ST7L: variants seen among roughly 807,000 people sequenced by gnomAD.
ST7L encodes the protein suppression of tumorigenicity 7 like, also known as suppressor of tumorigenicity 7 protein-like.
A neutral mutation model predicts 72.5 loss-of-function variants in ST7L; 57 were observed. The ratio of observed to expected loss-of-function variants is 0.79; its 90% CI spans 0.64 to 0.98. ST7L has a LOEUF of 0.98. Ranked by LOEUF, ST7L falls within the 50% of genes least tolerant of loss-of-function variation. The probability of loss-of-function intolerance (pLI) is 0.00; values close to 1 mark genes in which losing one functional copy is unlikely to be tolerated. For missense variants in ST7L, 576 were observed against 672.2 expected, an observed-to-expected ratio of 0.86 and a Z score of 1.58; for synonymous variants, 221 against 240.9, an observed-to-expected ratio of 0.92 and a Z score of 0.77.
At position 112,593,420 on chromosome 1, in the gene ST7L, T is replaced by C. The variant is rs140493576; in HGVS notation, c.623-1817A>G. ...AATTAGCAATTCACTCAAATTTATCTATTTTTCAAGTTAAATAACATTCTA... is the reference window on the plus strand; with the variant it reads ...AATTAGCAATTCACTCAAATTTATCCATTTTTCAAGTTAAATAACATTCTA... On this transcript the variant is annotated intron_variant, in intron 5 of 14. Coordinates refer to ENST00000358039, the MANE Select transcript of ST7L (RefSeq NM_017744.5). Among the ~76,000 whole-genome samples, 13 of 152,314 alleles carry C rather than the reference T, an allele frequency of 8.5e-5. No homozygotes were observed. The East Asian group carries it at 2.5e-3, about 29-fold the overall frequency.
At chr1:112,600,391 C>T (rs765240077) in intron 4 of ST7L, among the ~76,000 whole-genome samples, 4 of 151,836 alleles carry the variant, frequency 2.6e-5, no homozygotes, top group African/African-American at 4.8e-5. Flanking sequence ...TATGGAGTAG[C>T]GATTCTTTTA....
At chr1:112,558,277 A>G (rs532154617) in intron 11 of ST7L, among the ~76,000 whole-genome samples, 2 of 152,346 alleles carry the variant, frequency 1.3e-5, no homozygotes, top group East Asian at 1.9e-4. Flanking sequence ...TTCAAATTCT[A>G]GTTCCTCAGG....
chr1:112,600,775 T>C lies in ST7L; in HGVS notation c.506+19A>G. 6.2e-7 allele frequency: 1 copy of C among 1,605,422 alleles called. No individual in the cohort carries two copies. On this transcript the variant is annotated intron_variant, in intron 4 of 14. Transcript: ENST00000358039. ...TCTAAAACCAATGCCCTACTTATACTGAAAGCAAAATGTAATACCTCCTAT... is the reference window on the plus strand; with the variant it reads ...TCTAAAACCAATGCCCTACTTATACCGAAAGCAAAATGTAATACCTCCTAT...
In ST7L at chr1:112,611,014, C is replaced by T. The variant is rs381290; in HGVS notation, c.289-11G>A. The T allele has an allele frequency of 6.1e-4, 990 of 1,612,474 alleles. 8 individuals are homozygous for T. The African/African-American group carries it at 0.011, about 19-fold the overall frequency. On this transcript the variant is annotated splice_polypyrimidine_tract_variant and intron_variant, in intron 2 of 14. Transcript: ENST00000358039. ...CCACCATTCAAATATCTATGACAAA[C>T]AGAAAATATCCTGCACTTAGAATCG...
rs779028205 is a variant in ST7L, at chr1:112,526,111, C to T, written c.1630G>A (p.Val544Met). Residue 544 changes from valine (V) to methionine (M), a missense_variant and splice_region_variant, in exon 15 of 15, where the codon GTG becomes ATG. Around this residue, in one of 3 missense-constraint regions of ST7L, gnomAD observed 511 missense variants for 600.7 expected, o/e 0.85. Transcript: ENST00000358039. ...PEIMGIFAKAVLGLWCPQPWA... is the reference protein window; with the variant it reads ...PEIMGIFAKAMLGLWCPQPWA... ...GGTTGGGGGCACCAGAGTCCCAGCA[C>T]CTTCAAAACAGAAATTGATACAAAA... 1.4e-5 allele frequency: 23 copies of T among 1,613,966 alleles called. No homozygotes were observed. Among genetic ancestry groups the T allele is most frequent in the Non-Finnish European group, 1.9e-5 (23 of 1,180,018 alleles).
intron 4 of ST7L, 89 bp downstream of exon 4, chr1:112,600,705 C>G: frequency 9.0e-7 from 1 of 1,107,294 alleles, no homozygotes; most frequent in Admixed American, 2.2e-5. Context: ...ACTAGAAGAG[C>G]TGCGATATAT....
intron 11 of ST7L, among the ~76,000 whole-genome samples, chr1:112,563,421 C>A (rs1291399685): frequency 6.6e-6 from 1 of 152,126 alleles, no homozygotes; most frequent in African/African-American, 2.4e-5. Flanking sequence ...AATGCTAAGT[C>A]TACAGACAAA....
rs1210865012 is a variant in ST7L, at chr1:112,584,063, C to T, written c.765G>A (p.Arg255=). The T allele has an allele frequency of 1.2e-6, 2 of 1,613,990 alleles. No individual in the cohort carries two copies. Among genetic ancestry groups the T allele is most frequent in the South Asian group, 1.1e-5 (1 of 91,086 alleles). ...CTGCCTTGAGTGCCTGTTTAAATAA[C>T]CTTTCAGCATCTACAATAGTTGTTG... ...EEATTIVDAE[R]LFKQALKAGE... The change falls in exon 7 of 15, where the codon AGG becomes AGA. Residue 255 remains arginine (R), a synonymous_variant. Transcript: ENST00000358039.
At chr1:112,600,979 G>T in intron 3 of ST7L, 131 bp from the exon 4 acceptor site, 1 of 721,540 alleles carries the variant, frequency 1.4e-6, no homozygotes, top group Non-Finnish European at 2.3e-6. Context: ...AATAAAGCAT[G>T]CTTTCAAAAA....
chr1:112,616,989 A>T (rs1669987085), intron 1 of ST7L, 94 bp from the exon 2 acceptor site: 1 of 777,538 alleles, frequency 1.3e-6, no homozygotes, highest in Non-Finnish European at 2.1e-6. Flanking sequence ...GGTGGGACTT[A>T]AGTAGTATTA....
At chr1:112,533,340 G>A (rs1322502496) in intron 14 of ST7L, among the ~76,000 whole-genome samples, 1 of 150,288 alleles carries the variant, frequency 6.7e-6, no homozygotes, top group Non-Finnish European at 1.5e-5. Flanking sequence ...TTTTTTTTGA[G>A]ATGGAGTCTC....
chr1:112,551,831 A>G (rs1174084536), intron 12 of ST7L, among the ~76,000 whole-genome samples: 4 of 152,204 alleles, frequency 2.6e-5, no homozygotes, highest in Admixed American at 2.0e-4. Flanking sequence ...AATAAAACCA[A>G]TTTTACCATA....
At chr1:112,539,622 C>T (rs1307515528) in intron 14 of ST7L, 2 of 873,206 alleles carry the variant, frequency 2.3e-6, no homozygotes, top group African/African-American at 3.8e-5. Flanking sequence ...CGCCATTGCA[C>T]TCTAGTCTGG....
intron 11 of ST7L, among the ~76,000 whole-genome samples, chr1:112,556,943 G>A (rs1659215528): frequency 8.9e-6 from 1 of 112,634 alleles, no homozygotes; most frequent in Non-Finnish European, 1.8e-5. Flanking sequence ...ACTCCAGCCT[G>A]GCGACAGAGC....
At chr1:112,618,850 C>G in intron 1 of ST7L, 59 bp downstream of exon 1, 1 of 1,537,258 alleles carries the variant, frequency 6.5e-7, no homozygotes, top group Non-Finnish European at 8.8e-7. Context: ...CCCTTTGGCT[C>G]TTGCCCCCGA....
intron 14 of ST7L, among the ~76,000 whole-genome samples, chr1:112,541,283 GAA>G: frequency 7.6e-6 from 1 of 131,598 alleles, no homozygotes; most frequent in Non-Finnish European, 1.6e-5. Context: ...CCTTGTCTCA[GAA>G]AAAAAAAAAA....
At chr1:112,599,059 C>CAAAAA (rs761424885) in intron 4 of ST7L, among the ~76,000 whole-genome samples, 109 of 5,192 alleles carry the variant, frequency 0.021, 20 homozygotes, top group East Asian at 0.038. Flanking sequence ...GACTCAGCCT[C>CAAAAA]AAAAAAAAAA....
chr1:112,521,115 C>G (rs538119204), downstream of ST7L: 3 of 153,100 alleles, frequency 2.0e-5, no homozygotes, highest in South Asian at 6.2e-4. Flanking sequence ...CATAACAATA[C>G]AAACACACAT....
chr1:112,531,465 A>G (rs1654368548), intron 14 of ST7L, among the ~76,000 whole-genome samples: 1 of 152,234 alleles, frequency 6.6e-6, no homozygotes, highest in Non-Finnish European at 1.5e-5. Flanking sequence ...ATCTCTTTCT[A>G]TATGTTCTTG....
Sources: allele counts gnomAD v4.1 joint callset (sites outside exome capture counted in the v4.1 genomes callset), GRCh38; gene constraint gnomAD v4.1.1; regional missense constraint gnomAD v4.1.1; transcripts MANE v1.5; gene names NCBI Gene and HGNC (gene_info 2026-07-23, HGNC 2026-07-21).